The following SYNCRIP variants were observed in gnomAD, a reference collection of about 807,000 sequenced individuals.
SYNCRIP encodes synaptotagmin binding cytoplasmic RNA interacting protein.
A neutral mutation model predicts 68.9 loss-of-function variants in SYNCRIP; 9 were observed. That is an observed-to-expected ratio of 0.13 (90% confidence interval 0.08 to 0.23). The LOEUF (loss-of-function observed/expected upper bound fraction) is 0.23. SYNCRIP is among the 10% of genes least tolerant of loss of function. The pLI, the probability that SYNCRIP is intolerant of heterozygous loss-of-function variation, is 1.00. For missense variants in SYNCRIP, 414 were observed against 770.6 expected (o/e 0.54, Z 5.48); for synonymous variants, 258 against 254.0 (o/e 1.02, Z -0.15).
chr6:85,640,717 C>G (rs1809033291), intron 2 of SYNCRIP, among the ~76,000 whole-genome samples, 153 bp from the exon 3 acceptor site: 1 of 151,612 alleles, frequency 6.6e-6, no homozygotes, highest in Non-Finnish European at 1.5e-5. Context: ...TTCAGCCACT[C>G]TGAACTGAAT....
intron 6 of SYNCRIP, 26 bp downstream of exon 6, chr6:85,636,941 C>A (rs770754419): frequency 1.9e-6 from 3 of 1,560,844 alleles, no homozygotes; most frequent in Non-Finnish European, 2.6e-6. Flanking sequence ...AACGTGAAAA[C>A]TGAAGGGGAA....
At chr6:85,618,288 C>G (rs1184002134) in intron 10 of SYNCRIP, among the ~76,000 whole-genome samples, 1 of 152,068 alleles carries the variant, frequency 6.6e-6, no homozygotes, top group Non-Finnish European at 1.5e-5. Flanking sequence ...CAGCTGTAAT[C>G]CCAGCACTTT....
In SYNCRIP at chr6:85,637,908, G is replaced by A. The variant is rs117392785; in HGVS notation, c.376-552C>T. On this transcript the variant is annotated intron_variant, in intron 4 of 10. Transcript: ENST00000369622. ...TTTACGTGCCATATTTCATGGGATA[G>A]CATGGGTCCTTCAGAAAAAAGTAAC... is the stretch of plus-strand genomic sequence containing the variant. 4.8e-3 allele frequency among the ~76,000 whole-genome samples: 735 copies of A among 152,268 alleles called. 2 individuals carry two copies. Among genetic ancestry groups the A allele is most frequent in the Middle Eastern group, 0.01 (3 of 294 alleles).
downstream of SYNCRIP, among the ~76,000 whole-genome samples, chr6:85,613,654 A>T (rs1805451217): frequency 6.6e-6 from 1 of 152,220 alleles, no homozygotes; most frequent in South Asian, 2.1e-4. Context: ...ATATTTGCTT[A>T]CCCAAAACTA....
At chr6:85,632,635 T>A (rs1051231118) in intron 6 of SYNCRIP, among the ~76,000 whole-genome samples, 1 of 151,918 alleles carries the variant, frequency 6.6e-6, no homozygotes, top group African/African-American at 2.4e-5. Context: ...CAGTAAAGCA[T>A]CCTTTTAAAA....
chr6:85,641,530 T>C, intron 1 of SYNCRIP, 79 bp from the exon 2 acceptor site: 2 of 1,408,934 alleles, frequency 1.4e-6, no homozygotes, highest in Non-Finnish European at 9.6e-7. Context: ...CATCTTTACT[T>C]TCTCTACCAT....
At chr6:85,615,531 A>T (rs1173207138) in intron 10 of SYNCRIP, among the ~76,000 whole-genome samples, 184 bp from the exon 11 acceptor site, 4 of 152,248 alleles carry the variant, frequency 2.6e-5, no homozygotes, top group African/African-American at 9.6e-5. Context: ...CAGGATGACA[A>T]TATAGGCATC....
chr6:85,611,763 CAT>C (rs535316952), downstream of SYNCRIP: 356 of 152,642 alleles, frequency 2.3e-3, no homozygotes, highest in Middle Eastern at 0.01. Flanking sequence ...AGCTGATTCA[CAT>C]GTTTACAGTG....
intron 1 of SYNCRIP, among the ~76,000 whole-genome samples, 187 bp from the exon 2 acceptor site, chr6:85,641,638 T>G (rs1809170955): frequency 1.3e-5 from 2 of 152,088 alleles, no homozygotes; most frequent in Admixed American, 6.6e-5. Flanking sequence ...GAAGGACCGA[T>G]TCACCATATT....
rs1201610519 is a variant in SYNCRIP, at chr6:85,614,682, C to T, written c.*74G>A. 1.5e-5 allele frequency: 22 copies of T among 1,467,626 alleles called. No homozygotes were observed. Among genetic ancestry groups the T allele is most frequent in the Admixed American group, 2.7e-5 (1 of 37,714 alleles). 90.9% of individuals were successfully genotyped at this position (1,467,626 alleles called of 1,614,324 possible). A position where few individuals can be genotyped will look rare whatever the true frequency, so the allele number is the denominator to read the frequency against. On this transcript the variant is annotated 3_prime_UTR_variant, in exon 11 of 11. Transcript: ENST00000369622. ...TCTTGCCAGATGTCACAAATTATAGCGGCACCCGTTCAGATTTAGGGTGAG... is the reference window on the plus strand; with the variant it reads ...TCTTGCCAGATGTCACAAATTATAGTGGCACCCGTTCAGATTTAGGGTGAG...
downstream of SYNCRIP, chr6:85,610,505 T>C (rs768458297): frequency 6.6e-6 from 1 of 152,014 alleles, no homozygotes; most frequent in Non-Finnish European, 1.5e-5. Context: ...GAGCTCCATA[T>C]TTTAATGTTT....
At chr6:85,633,378 G>C (rs1396490530) in intron 6 of SYNCRIP, among the ~76,000 whole-genome samples, 1 of 152,150 alleles carries the variant, frequency 6.6e-6, no homozygotes, top group Non-Finnish European at 1.5e-5. Context: ...CGAGACTGGG[G>C]TCAGGAGTTT....
At chr6:85,612,251 C>T (rs1200652103), downstream of SYNCRIP, 1 of 152,170 alleles carries the variant, frequency 6.6e-6, no homozygotes, top group Non-Finnish European at 1.5e-5. Flanking sequence ...GGGTATAGTT[C>T]AATCCTCTGC....
chr6:85,612,637 G>C, downstream of SYNCRIP: 1 of 343,812 alleles, frequency 2.9e-6, no homozygotes, highest in Non-Finnish European at 5.3e-6. Context: ...ATTTCTGTTG[G>C]AACACATTTT....
intron 4 of SYNCRIP, among the ~76,000 whole-genome samples, chr6:85,637,669 T>C (rs999671823): frequency 2.6e-5 from 4 of 152,230 alleles, no homozygotes; most frequent in Non-Finnish European, 2.9e-5. Context: ...TGTATTACTA[T>C]GTTAATACCA....
chr6:85,613,917 T>G (rs910731019), downstream of SYNCRIP: 6 of 953,708 alleles, frequency 6.3e-6, no homozygotes, highest in Middle Eastern at 5.4e-4. Flanking sequence ...CCTGAATTTG[T>G]CCTTTTATAC....
At chr6:85,636,697 TAAAC>T (rs1808493937) in intron 6 of SYNCRIP, among the ~76,000 whole-genome samples, 2 of 152,268 alleles carry the variant, frequency 1.3e-5, no homozygotes, top group Admixed American at 1.3e-4. Context: ...CCTATAAATT[TAAAC>T]AAACACACAA....
At chr6:85,618,364 A>G (rs1000444183) in intron 10 of SYNCRIP, among the ~76,000 whole-genome samples, 8 of 151,908 alleles carry the variant, frequency 5.3e-5, no homozygotes, top group Non-Finnish European at 1.2e-4. Context: ...AACATGACGA[A>G]ACCCCACCCC....
chr6:85,618,717 G>T, intron 10 of SYNCRIP, 101 bp downstream of exon 10: 1 of 974,532 alleles, frequency 1.0e-6, no homozygotes, highest in Non-Finnish European at 1.5e-6. Context: ...TCTTTAAAGA[G>T]ATGTTATGCA....
Sources: allele counts gnomAD v4.1 joint callset (sites outside exome capture counted in the v4.1 genomes callset), GRCh38; gene constraint gnomAD v4.1.1; transcripts MANE v1.5; gene names NCBI Gene and HGNC (gene_info 2026-07-23, HGNC 2026-07-21).